Variants in SNRNP200 observed in about 807,000 individuals in gnomAD.
The protein encoded by SNRNP200 is small nuclear ribonucleoprotein U5 subunit 200.
SNRNP200 carries 66 observed loss-of-function variants against 255.2 expected under a neutral mutation model. That is an observed-to-expected ratio of 0.26 (90% CI 0.21 to 0.32). SNRNP200 has a LOEUF of 0.32. SNRNP200 is among the 10% of genes least tolerant of loss of function. SNRNP200 has a pLI of 1.00. For synonymous variants in SNRNP200, 939 were observed against 1,027.8 expected, an observed-to-expected ratio of 0.91 and a Z score of 1.65; for missense variants, 1,585 against 2,749.8, an observed-to-expected ratio of 0.58 and a Z score of 9.47.
chr2:96,300,757 C>A (rs2063947273), intron 5 of SNRNP200, among the ~76,000 whole-genome samples: 3 of 150,018 alleles, frequency 2.0e-5, no homozygotes, highest in Admixed American at 2.0e-4. Context: ...GAGAAGACTC[C>A]GTCTCAAAAA....
At chr2:96,281,441 T>C in intron 35 of SNRNP200, 1 of 313,162 alleles carries the variant, frequency 3.2e-6, no homozygotes, top group Non-Finnish European at 6.3e-6. Context: ...AGTGCTGGGA[T>C]TACAGGCATG....
Position 96,278,369 on chromosome 2 carries a change from A to C in SNRNP200, c.5489-11T>G, listed in dbSNP as rs769516983. The C allele has an allele frequency of 1.2e-6, 2 of 1,614,032 alleles. No homozygotes were observed. Among genetic ancestry groups the C allele is most frequent in the Non-Finnish European group, 1.7e-6 (2 of 1,180,034 alleles). On this transcript the variant is annotated splice_polypyrimidine_tract_variant and intron_variant, in intron 38 of 44. Transcript: ENST00000323853. The surrounding 1 kb of genome is among the most constrained non-coding windows in gnomAD (Gnocchi z 6.9). The stretch of plus-strand genomic sequence containing the variant: ...ACATGCTGAAGAGCTCTGACAGAAA[A>C]AGGAAATGTGAGAGAAGCTAAAACC...
At chr2:96,285,073 A>G (rs531896917) in intron 30 of SNRNP200, 107 bp downstream of exon 30, 2 of 1,371,378 alleles carry the variant, frequency 1.5e-6, no homozygotes, top group South Asian at 2.4e-5. Flanking sequence ...TTTAATACAC[A>G]AACTGAGGAA....
rs2063828221 is a variant in SNRNP200, at chr2:96,284,363, T to G, written c.4387A>C (p.Asn1463His). ...GCTGCAAGGTCACGCCATACCCCAT[T>G]CTCGCCCCCGATAAGGTGGACCTCA... ...VDEVHLIGGE[N>H]GPVLEVICSR... is the part of the protein sequence containing the mutation. The change falls in exon 31 of 45, where the codon AAT becomes CAT. Residue 1463 changes from asparagine (N) to histidine (H), a missense_variant. Physicochemically the swap from Asn to His is moderately conservative, Grantham distance 68. Coordinates refer to ENST00000323853, the MANE Select transcript of SNRNP200 (RefSeq NM_014014.5). The G allele has an allele frequency of 3.1e-6, 5 of 1,613,656 alleles. No homozygotes were observed. The highest frequency in any genetic ancestry group is 3.3e-5 in the Admixed American group (2 of 60,016).
chr2:96,276,495 C>T (rs1226495051), intron 43 of SNRNP200: 7 of 248,816 alleles, frequency 2.8e-5, no homozygotes, highest in South Asian at 1.4e-4. Flanking sequence ...AATCTCGGCT[C>T]GCTGCAGCCT....
chr2:96,277,499 C>A lies in SNRNP200; in HGVS notation c.5931+40G>T. ...CGCTCGGTCCACAACACTGGGCTCT[C>A]AGGCTCACCCACCTGACCCTCTAGG... On this transcript the variant is annotated intron_variant, in intron 41 of 44. Coordinates refer to ENST00000323853, the MANE Select transcript of SNRNP200 (RefSeq NM_014014.5). The surrounding 1 kb of genome is among the most constrained non-coding windows in gnomAD (Gnocchi z 4.4). 1 of 1,609,762 alleles carries A rather than the reference C, an allele frequency of 6.2e-7. No individual in the cohort carries two copies. Among genetic ancestry groups the A allele is most frequent in the South Asian group, 1.1e-5 (1 of 90,876 alleles).
At chr2:96,288,920 A>C (rs2063866818) in intron 23 of SNRNP200, 117 bp downstream of exon 23, 2 of 1,095,676 alleles carry the variant, frequency 1.8e-6, no homozygotes, top group South Asian at 2.7e-5. Context: ...GGCTGCAAAA[A>C]CTAGGAGAAC....
chr2:96,287,620 C>T lies in SNRNP200; in HGVS notation c.3366-63G>A. On this transcript the variant is annotated intron_variant, in intron 25 of 44. Coordinates refer to ENST00000323853, the MANE Select transcript of SNRNP200 (RefSeq NM_014014.5). This position sits in a 1 kb window ranked among gnomAD's most constrained non-coding sequence, Gnocchi z 5.7. The stretch of plus-strand genomic sequence containing the variant: ...CAGGGATGTGACAAACCACCCACTT[C>T]ATGGCTTCCAATAGTTTAGCAGTGA... The T allele has an allele frequency of 8.2e-7, 1 of 1,216,012 alleles. No individual in the cohort carries two copies. Among genetic ancestry groups the T allele is most frequent in the South Asian group, 1.2e-5 (1 of 83,026 alleles). The allele number at this position is 1,216,012 out of a possible 1,614,324, so 75.3% of individuals were successfully genotyped here. A position where few individuals can be genotyped will look rare whatever the true frequency, so the allele number is the denominator to read the frequency against.
At chr2:96,297,608 C>T (rs760656824) in intron 10 of SNRNP200, 29 bp downstream of exon 10, 2 of 1,614,152 alleles carry the variant, frequency 1.2e-6, no homozygotes, top group Admixed American at 1.7e-5. Context: ...TCCATCAAGG[C>T]CTGGGAAATA....
chr2:96,277,455 ACT>A lies in SNRNP200; in HGVS notation c.5931+82_5931+83del. 1 of 1,521,158 alleles carries A rather than the reference ACT, an allele frequency of 6.6e-7. No homozygotes were observed. Among genetic ancestry groups the A allele is most frequent in the South Asian group, 1.1e-5 (1 of 88,350 alleles). The allele number at this position is 1,521,158 out of a possible 1,614,324, so 94.2% of individuals were successfully genotyped here. ...ATAACTAAAAGTTTAACTTACTGAG[ACT>A]CACCTCCCGCAACCCACGCTCGGTC... On this transcript the variant is annotated intron_variant, in intron 41 of 44. Coordinates refer to ENST00000323853, the MANE Select transcript of SNRNP200 (RefSeq NM_014014.5). The surrounding 1 kb of genome is among the most constrained non-coding windows in gnomAD (Gnocchi z 4.4).
At chr2:96,296,893 C>A (rs201537173) in intron 12 of SNRNP200, 40 bp downstream of exon 12, 2 of 1,613,906 alleles carry the variant, frequency 1.2e-6, no homozygotes, top group South Asian at 1.1e-5. Context: ...AAACTCCACA[C>A]CATATTCTAC....
chr2:96,295,722 T>A (rs2063912745), intron 13 of SNRNP200, 64 bp from the exon 14 acceptor site: 1 of 1,571,808 alleles, frequency 6.4e-7, no homozygotes, highest in Admixed American at 1.8e-5. Context: ...TGCTTTCTGT[T>A]TGGGCAATTG....
At chr2:96,279,424 A>C in intron 36 of SNRNP200, 27 bp downstream of exon 36, 1 of 1,417,940 alleles carries the variant, frequency 7.1e-7, no homozygotes, top group Non-Finnish European at 1.0e-6. Flanking sequence ...CTACGGATCC[A>C]AGAGGCTCCA....
chr2:96,305,181 T>C (rs1263087234), intron 1 of SNRNP200, among the ~76,000 whole-genome samples: 1 of 152,038 alleles, frequency 6.6e-6, no homozygotes, highest in Non-Finnish European at 1.5e-5. Context: ...GCGTTGAAGG[T>C]ACTCGAGAAA....
Position 96,276,291 on chromosome 2 carries a change from AAAG to A in SNRNP200, c.6174+610_6174+612del, listed in dbSNP as rs554430837. Among the ~76,000 whole-genome samples the A allele has an allele frequency of 3.9e-5, 6 of 152,348 alleles. No homozygotes were observed. In the East Asian group the frequency reaches 1.2e-3, roughly 29 times the overall value. ...AAGCACAGTAAGTGGCAGTGAGAAA[AAAG>A]AAGAAACAACCAGGAAAGCCCAAGT... On this transcript the variant is annotated intron_variant, in intron 43 of 44. Transcript: ENST00000323853.
At position 96,287,410 on chromosome 2, in the gene SNRNP200, G is replaced by A. The variant is rs2063850658; in HGVS notation, c.3484+29C>T. 1 of 1,507,890 alleles carries A rather than the reference G, an allele frequency of 6.6e-7. No individual in the cohort carries two copies. Among genetic ancestry groups the A allele is most frequent in the South Asian group, 1.1e-5 (1 of 88,890 alleles). 93.4% of individuals were successfully genotyped at this position (1,507,890 alleles called of 1,614,324 possible). On this transcript the variant is annotated intron_variant, in intron 26 of 44. Coordinates refer to ENST00000323853, the MANE Select transcript of SNRNP200 (RefSeq NM_014014.5). The surrounding 1 kb of genome is among the most constrained non-coding windows in gnomAD (Gnocchi z 5.7). Reference sequence around the variant, plus strand: ...AAACTGGGAGAGACACCCAGGCAGTGAGGACAAGGGCGAGAGCATCCCACA... The same window carrying A: ...AAACTGGGAGAGACACCCAGGCAGTAAGGACAAGGGCGAGAGCATCCCACA...
In SNRNP200 at chr2:96,301,722, G is replaced by A. The variant is rs945963464; in HGVS notation, c.382-6C>T. On this transcript the variant is annotated splice_region_variant and splice_polypyrimidine_tract_variant and intron_variant, in intron 3 of 44. Coordinates refer to ENST00000323853, the MANE Select transcript of SNRNP200 (RefSeq NM_014014.5). ...CCACAAAGGATATCACGTGGCTGGT[G>A]GCAAGAAACAACCAACCAATATTGA... The A allele has an allele frequency of 4.3e-6, 7 of 1,613,892 alleles. No individual in the cohort carries two copies. The Admixed American group carries it at 6.7e-5, about 15-fold the overall frequency.
At position 96,290,993 on chromosome 2, in the gene SNRNP200, C is replaced by T. The variant is rs185794435; in HGVS notation, c.2422-178G>A. Among the ~76,000 whole-genome samples the T allele has an allele frequency of 4.6e-4, 70 of 152,292 alleles. No individual in the cohort carries two copies. Among genetic ancestry groups the T allele is most frequent in the African/African-American group, 1.7e-3 (69 of 41,570 alleles). On this transcript the variant is annotated intron_variant, in intron 18 of 44. Coordinates refer to ENST00000323853, the MANE Select transcript of SNRNP200 (RefSeq NM_014014.5). This position sits in a 1 kb window ranked among gnomAD's most constrained non-coding sequence, Gnocchi z 4.5. ...AAAGAGGAAAGGTTTCCTTGGGTTC[C>T]TCATCTATTCAGTAATGAACATTTC...
At chr2:96,292,912 T>C (rs2063892496) in intron 16 of SNRNP200, 60 bp downstream of exon 16, 3 of 1,589,246 alleles carry the variant, frequency 1.9e-6, no homozygotes, top group African/African-American at 1.3e-5. Flanking sequence ...TCCCCAATTA[T>C]TGGTGAATCA....
Sources: gnomAD v4.1 joint callset for allele counts (sites outside exome capture counted in the v4.1 genomes callset) on GRCh38, gnomAD v4.1.1 for gene constraint, Gnocchi (gnomAD v3.1) non-coding constraint, MANE v1.5 for transcripts, NCBI Gene and HGNC (gene_info 2026-07-23, HGNC 2026-07-21) for gene names.